Variants in PALMD observed in about 807,000 individuals in gnomAD.
The protein encoded by PALMD is paralemmin-like protein.
Under a neutral mutation model 56.2 loss-of-function variants are expected in PALMD, and 42 were observed. The observed-to-expected ratio is 0.75, with a 90% CI of 0.58 to 0.97. The LOEUF (loss-of-function observed/expected upper bound fraction) is 0.97. Among genes scored for constraint, PALMD ranks in the 50% least tolerant of loss-of-function variants. The pLI, the probability that PALMD is intolerant of heterozygous loss-of-function variation, is 0.00. For synonymous variants in PALMD, 242 were observed against 222.9 expected, an observed-to-expected ratio of 1.09 and a Z score of -0.76; for missense variants, 660 against 643.8, an observed-to-expected ratio of 1.03 and a Z score of -0.27.
intron 2 of PALMD, among the ~76,000 whole-genome samples, chr1:99,666,150 C>A (rs999429379): frequency 7.2e-5 from 11 of 152,042 alleles, no homozygotes; most frequent in African/African-American, 2.7e-4. Flanking sequence ...CCCTTCACTT[C>A]TTCAATTAGA....
At chr1:99,688,596 T>C (rs1292078237) in intron 6 of PALMD, among the ~76,000 whole-genome samples, 179 bp from the exon 7 acceptor site, 1 of 152,136 alleles carries the variant, frequency 6.6e-6, no homozygotes, top group Non-Finnish European at 1.5e-5. Context: ...TAAAAACCCG[T>C]GTTATTCCAG....
intron 3 of PALMD, among the ~76,000 whole-genome samples, chr1:99,676,875 T>G (rs1029960218): frequency 6.6e-6 from 1 of 152,216 alleles, no homozygotes; most frequent in Non-Finnish European, 1.5e-5. Context: ...TTGGCCAAAT[T>G]ATCTACAAAG....
chr1:99,669,698 A>C (rs1318302247), intron 3 of PALMD: 1 of 152,234 alleles, frequency 6.6e-6, no homozygotes, highest in Non-Finnish European at 1.5e-5. Context: ...CCGAGTATTA[A>C]CCAGGACTCT....
intron 1 of PALMD, among the ~76,000 whole-genome samples, chr1:99,661,267 A>G (rs562032326): frequency 6.6e-6 from 1 of 152,218 alleles, no homozygotes. Flanking sequence ...CTGATCAAAA[A>G]TGAGGAAATA....
At chr1:99,679,378 A>G (rs969933508) in intron 3 of PALMD, among the ~76,000 whole-genome samples, 13 of 152,196 alleles carry the variant, frequency 8.5e-5, no homozygotes, top group Non-Finnish European at 1.3e-4. Context: ...AAGTGGCATT[A>G]GCTTAGGAAA....
rs1557673816 is a variant in PALMD, at chr1:99,683,059, AGAGAGAGAGAGAGAGAGAGAGAGAG to A, written c.252-3616_252-3592del. 6.8e-4 allele frequency among the ~76,000 whole-genome samples: 11 copies of A among 16,226 alleles called. No individual in the cohort carries two copies. In the East Asian group the frequency reaches 9.2e-3, roughly 14 times the overall value. 10.6% of individuals were successfully genotyped at this position (16,226 alleles called of 152,430 possible). ...AAGAAAGAAAGAAAGAAAGAAAGAGAGAGAGAGAGAGAGAGAGAGAGAGAGAGAGAGAAAGAAAGAAAGAAAGAAA... is the reference window on the plus strand; with the variant it reads ...AAGAAAGAAAGAAAGAAAGAAAGAGAAGAGAGAAAGAAAGAAAGAAAGAAA... On this transcript the variant is annotated intron_variant, in intron 3 of 7. Transcript: ENST00000263174.
At chr1:99,669,329 C>T (rs1653035392) in intron 3 of PALMD, 1 of 152,150 alleles carries the variant, frequency 6.6e-6, no homozygotes, top group African/African-American at 2.4e-5. Context: ...ATTTGAAGTG[C>T]TTCTAAATAG....
In PALMD at chr1:99,646,336, G is replaced by C. The variant is rs2100849856; in HGVS notation, c.19G>C (p.Val7Leu). ...TTCTAGAATGGAAGAAGCTGAGCTG[G>C]TGAAGGGAAGACTCCAGGCCATCAC... MEEAEL[V>L]KGRLQAITDK... The change falls in exon 1 of 8, where the codon GTG becomes CTG. Residue 7 changes from valine to leucine, a missense_variant. Val to Leu is a conservative substitution (Grantham distance 32, BLOSUM62 1). Transcript: ENST00000263174. The C allele has an allele frequency of 6.2e-7, 1 of 1,613,332 alleles. No individual in the cohort carries two copies. The highest frequency in any genetic ancestry group is 2.2e-5 in the East Asian group (1 of 44,862).
chr1:99,684,940 T>C (rs1653453272), intron 3 of PALMD: 7 of 152,238 alleles, frequency 4.6e-5, no homozygotes, highest in Admixed American at 4.6e-4. Context: ...CAAGAGCTGC[T>C]TGAAGCAATG....
rs575568668 is a variant in PALMD at position 99,662,471 on chromosome 1, G to C, written c.126+72G>C. ...TTCTATTGGTACTCAAATTTCAATA[G>C]TAAAAAAGCTTTAGGAAAGAAAAAA... On this transcript the variant is annotated intron_variant, in intron 2 of 7. Transcript: ENST00000263174. The C allele has an allele frequency of 1.1e-5, 10 of 922,180 alleles. No homozygotes were observed. The East Asian group carries it at 2.0e-4, about 18-fold the overall frequency. 57.1% of individuals were successfully genotyped at this position (922,180 alleles called of 1,614,324 possible). A position where few individuals can be genotyped will look rare whatever the true frequency, so the allele number is the denominator to read the frequency against.
chr1:99,686,754 A>G lies in PALMD; in HGVS notation c.330A>G (p.Leu110=). The G allele has an allele frequency of 8.1e-6, 13 of 1,604,730 alleles. No individual in the cohort carries two copies. The highest frequency in any genetic ancestry group is 2.2e-5 in the East Asian group (1 of 44,718). The change falls in exon 4 of 8, where the codon CTA becomes CTG. Residue 110 remains leucine (L), a synonymous_variant. Coordinates refer to ENST00000263174, the MANE Select transcript of PALMD (RefSeq NM_017734.5). ...STKEEAILKK[L]KSIERTTEDI... ...AGGAAGAGGCCATTTTAAAGAAACT[A>G]AAGTCAATTGAGCGGACAACAGAAG... is the stretch of plus-strand genomic sequence containing the variant.
chr1:99,671,149 A>C (rs1470291272), intron 3 of PALMD, among the ~76,000 whole-genome samples: 3 of 152,198 alleles, frequency 2.0e-5, no homozygotes, highest in Admixed American at 2.0e-4. Flanking sequence ...CTCGAGGGTG[A>C]CATTTGCCAC....
At chr1:99,676,296 T>C (rs1003813350) in intron 3 of PALMD, among the ~76,000 whole-genome samples, 10 of 152,324 alleles carry the variant, frequency 6.6e-5, no homozygotes, top group African/African-American at 2.4e-4. Context: ...GTTCTTCTTC[T>C]TCCTTTTTTT....
intron 3 of PALMD, among the ~76,000 whole-genome samples, chr1:99,675,615 A>G (rs1275214984): frequency 6.6e-6 from 1 of 152,238 alleles, no homozygotes; most frequent in Non-Finnish European, 1.5e-5. Context: ...CTGTCCCACC[A>G]GAGCAGTTGA....
chr1:99,681,409 C>T (rs1330270907), intron 3 of PALMD, among the ~76,000 whole-genome samples: 1 of 152,014 alleles, frequency 6.6e-6, no homozygotes, highest in Admixed American at 6.6e-5. Context: ...AGGAATGAGT[C>T]CCTAATTTAA....
rs79491561 is a variant in PALMD, at chr1:99,659,137, A to G, written c.46-3182A>G. 1.9e-3 allele frequency among the ~76,000 whole-genome samples: 290 copies of G among 152,362 alleles called. 1 individual carries two copies. The highest frequency in any genetic ancestry group is 6.8e-3 in the African/African-American group (281 of 41,584). On this transcript the variant is annotated intron_variant, in intron 1 of 7. Coordinates refer to ENST00000263174, the MANE Select transcript of PALMD (RefSeq NM_017734.5). The stretch of plus-strand genomic sequence containing the variant: ...CATATTAGAATTTAGCACATTGTTA[A>G]TCAATAATATAACTAAAATACTTAC...
At chr1:99,676,462 A>C (rs1003310558) in intron 3 of PALMD, among the ~76,000 whole-genome samples, 2 of 152,118 alleles carry the variant, frequency 1.3e-5, no homozygotes, top group Non-Finnish European at 2.9e-5. Context: ...AATAGTGGTG[A>C]AGTCTGGGCT....
chr1:99,647,992 T>A (rs1303484865), intron 1 of PALMD, among the ~76,000 whole-genome samples: 1 of 152,094 alleles, frequency 6.6e-6, no homozygotes, highest in African/African-American at 2.4e-5. Context: ...AGACAGAAAA[T>A]CCTCATAATG....
intron 3 of PALMD, chr1:99,668,977 C>T (rs1653028882): frequency 6.6e-6 from 1 of 152,194 alleles, no homozygotes; most frequent in Non-Finnish European, 1.5e-5. Context: ...ATATAGACGA[C>T]TTTCAAAACC....
Sources: gnomAD v4.1 joint callset for allele counts (sites outside exome capture counted in the v4.1 genomes callset) on GRCh38, gnomAD v4.1.1 for gene constraint, MANE v1.5 for transcripts, NCBI Gene and HGNC (gene_info 2026-07-23, HGNC 2026-07-21) for gene names.